The following ZNF709 variants were observed in gnomAD, a reference collection of about 807,000 sequenced individuals.
The protein encoded by ZNF709 is zinc finger protein 709.
A neutral mutation model predicts 10.6 loss-of-function variants in ZNF709; 15 were observed. The observed-to-expected ratio is 1.41, with a 90% confidence interval of 0.95 to 2.18. The LOEUF (loss-of-function observed/expected upper bound fraction) is 2.18. Ranked by LOEUF, ZNF709 falls within the 30% of genes most tolerant of loss-of-function variation. The probability of loss-of-function intolerance (pLI) is 0.00; values close to 1 mark genes in which losing one functional copy is unlikely to be tolerated. For synonymous variants in ZNF709, 194 were observed against 238.8 expected, an observed-to-expected ratio of 0.81 and a Z score of 1.73; for missense variants, 589 against 774.0, an observed-to-expected ratio of 0.76 and a Z score of 2.84.
chr19:12,482,195 CCTCTCCCTCTCT>C (rs1240271961), intron 1 of ZNF709, among the ~76,000 whole-genome samples: 7 of 149,044 alleles, frequency 4.7e-5, no homozygotes, highest in African/African-American at 1.7e-4. Context: ...GCTCCCTCTC[CCTCTCCCTCTCT>C]CTCTCCCTCT....
At chr19:12,481,148 T>TACC (rs1970723556) in intron 1 of ZNF709, 2 of 983,612 alleles carry the variant, frequency 2.0e-6, no homozygotes, top group Non-Finnish European at 2.4e-6. Flanking sequence ...ATGAAAAATG[T>TACC]ACCTGAGAAT....
intron 1 of ZNF709, chr19:12,481,066 G>A (rs1970723056): frequency 3.2e-6 from 2 of 619,448 alleles, no homozygotes; most frequent in African/African-American, 2.0e-5. Flanking sequence ...TTACAGGCAT[G>A]AGCCACGATG....
At chr19:12,475,084 C>G (rs1462159413) in intron 1 of ZNF709, among the ~76,000 whole-genome samples, 1 of 151,442 alleles carries the variant, frequency 6.6e-6, no homozygotes, top group African/African-American at 2.4e-5. Flanking sequence ...GTGACAAAAC[C>G]CTGTTTCTAC....
At chr19:12,481,709 G>GA (rs540605507) in intron 1 of ZNF709, among the ~76,000 whole-genome samples, 10 of 148,868 alleles carry the variant, frequency 6.7e-5, no homozygotes, top group South Asian at 2.1e-4. Flanking sequence ...AATCCAAAGG[G>GA]AAAAAAAAAC....
chr19:12,484,680 G>A lies in ZNF709; in HGVS notation c.-23C>T, dbSNP rs1352958555. ...CATTTCCCAGACTCTGGGATGTCCTGGTGTTCTGTTTACCTCTCCCGCGGC... is the reference window on the plus strand; with the variant it reads ...CATTTCCCAGACTCTGGGATGTCCTAGTGTTCTGTTTACCTCTCCCGCGGC... On this transcript the variant is annotated 5_prime_UTR_variant, in exon 1 of 4. Coordinates refer to ENST00000397732, the MANE Select transcript of ZNF709 (RefSeq NM_152601.4). 1.9e-6 allele frequency: 3 copies of A among 1,613,972 alleles called. No individual in the cohort carries two copies. In the Admixed American group the frequency reaches 5.0e-5, roughly 27 times the overall value.
In ZNF709 at chr19:12,462,115, A is replaced by ACG. The variant is rs1222518148; in HGVS notation, c.*1880_*1881insCG. The ACG allele has an allele frequency of 5.3e-5, 8 of 152,018 alleles. No individual in the cohort carries two copies. Among genetic ancestry groups the ACG allele is most frequent in the Admixed American group, 3.9e-4 (6 of 15,242 alleles). 9.4% of individuals were successfully genotyped at this position (152,018 alleles called of 1,614,324 possible). On this transcript the variant is annotated 3_prime_UTR_variant, in exon 4 of 4. Coordinates refer to ENST00000397732, the MANE Select transcript of ZNF709 (RefSeq NM_152601.4). ...AAGAAAAGAAAGGGAAAGGGAAAGA[A>ACG]AGAAGGAAGGAAGGAAGGAAAATAT...
intron 1 of ZNF709, among the ~76,000 whole-genome samples, chr19:12,469,723 C>G (rs528461644): frequency 6.6e-6 from 1 of 151,336 alleles, no homozygotes; most frequent in Non-Finnish European, 1.5e-5. Context: ...GAGCCGAGAT[C>G]GCACCACTGC....
intron 1 of ZNF709, among the ~76,000 whole-genome samples, chr19:12,482,838 C>T (rs758822744): frequency 1.3e-5 from 2 of 152,078 alleles, no homozygotes; most frequent in Non-Finnish European, 2.9e-5. Flanking sequence ...ACTGGGCCTT[C>T]GATTACATCC....
chr19:12,467,826 G>C (rs910955949), intron 1 of ZNF709, among the ~76,000 whole-genome samples: 2 of 150,928 alleles, frequency 1.3e-5, no homozygotes, highest in East Asian at 2.0e-4. Context: ...GCCTCTGCCC[G>C]GCCGCAACCC....
At chr19:12,477,687 C>G (rs62111791) in intron 1 of ZNF709, among the ~76,000 whole-genome samples, 6,794 of 152,240 alleles carry the variant, frequency 0.045, 153 homozygotes, top group Middle Eastern at 0.085. Flanking sequence ...AATACAGAAC[C>G]TATGATATAG....
intron 1 of ZNF709, among the ~76,000 whole-genome samples, chr19:12,479,357 G>A (rs913398419): frequency 4.6e-5 from 7 of 152,248 alleles, no homozygotes; most frequent in South Asian, 2.1e-4. Flanking sequence ...TAGAGCAAGT[G>A]CCCTGGCTGG....
chr19:12,482,184 C>T (rs929979049), intron 1 of ZNF709, among the ~76,000 whole-genome samples: 2 of 150,716 alleles, frequency 1.3e-5, no homozygotes, highest in African/African-American at 2.4e-5. Flanking sequence ...CACACACACA[C>T]GCTCCCTCTC....
rs1370954597 is a variant in ZNF709, at chr19:12,462,247, T to C, written c.*1749A>G. 1 of 152,228 alleles carries C rather than the reference T, an allele frequency of 6.6e-6. No homozygotes were observed. The highest frequency in any genetic ancestry group is 1.5e-5 in the Non-Finnish European group (1 of 68,046). 9.4% of individuals were successfully genotyped at this position (152,228 alleles called of 1,614,324 possible). A position where few individuals can be genotyped will look rare whatever the true frequency, so the allele number is the denominator to read the frequency against. ...TGTCCCTGAAGCTCCTATGCATCCA[T>C]CTGTCTCCACATATGGTGGCTATAA... is the stretch of plus-strand genomic sequence containing the variant. On this transcript the variant is annotated 3_prime_UTR_variant, in exon 4 of 4. Coordinates refer to ENST00000397732, the MANE Select transcript of ZNF709 (RefSeq NM_152601.4).
intron 1 of ZNF709, among the ~76,000 whole-genome samples, chr19:12,478,852 C>T (rs1949240068): frequency 6.6e-6 from 1 of 152,166 alleles, no homozygotes; most frequent in African/African-American, 2.4e-5. Context: ...AGGTGTGCAG[C>T]ACGAGGAGAA....
intron 1 of ZNF709, among the ~76,000 whole-genome samples, chr19:12,472,623 C>T (rs1245605081): frequency 2.0e-5 from 3 of 152,076 alleles, no homozygotes; most frequent in Non-Finnish European, 4.4e-5. Context: ...TGGCTCACGC[C>T]TGTAATCCCA....
chr19:12,475,132 C>T (rs1334685838), intron 1 of ZNF709, among the ~76,000 whole-genome samples: 1 of 151,708 alleles, frequency 6.6e-6, no homozygotes, highest in African/African-American at 2.4e-5. Flanking sequence ...GTGGTGGGCA[C>T]CTGTAGTCCC....
intron 1 of ZNF709, 122 bp downstream of exon 1, chr19:12,484,533 G>A: frequency 2.2e-6 from 3 of 1,345,304 alleles, no homozygotes; most frequent in Non-Finnish European, 3.1e-6. Flanking sequence ...GCGCCAGGAG[G>A]ACTCGGGTCC....
chr19:12,472,962 A>C (rs545560478), intron 1 of ZNF709, among the ~76,000 whole-genome samples: 4 of 152,196 alleles, frequency 2.6e-5, no homozygotes, highest in South Asian at 2.1e-4. Flanking sequence ...AATTTCTTAC[A>C]TATTAGAAGG....
chr19:12,468,166 C>G (rs1000089549), intron 1 of ZNF709, among the ~76,000 whole-genome samples: 2 of 152,212 alleles, frequency 1.3e-5, no homozygotes, highest in African/African-American at 4.8e-5. Flanking sequence ...AGCCCCTCTG[C>G]CCGGCCACCA....
Sources: allele counts gnomAD v4.1 joint callset (sites outside exome capture counted in the v4.1 genomes callset), GRCh38; gene constraint gnomAD v4.1.1; transcripts MANE v1.5; gene names NCBI Gene and HGNC (gene_info 2026-07-23, HGNC 2026-07-21).